The following PI4KA variants were observed in gnomAD, a reference collection of about 807,000 sequenced individuals.
PI4KA encodes PI4-kinase alpha.
In PI4KA, 122 loss-of-function variants were observed where a neutral mutation model predicts 271.4. The ratio of observed to expected loss-of-function variants is 0.45; its 90% CI spans 0.39 to 0.52. The LOEUF is 0.52. Among genes scored for constraint, PI4KA ranks in the 20% least tolerant of loss-of-function variants. The probability of loss-of-function intolerance (pLI) is 0.00; values close to 1 mark genes in which losing one functional copy is unlikely to be tolerated. For missense variants in PI4KA, 1,969 were observed against 2,769.1 expected, an observed-to-expected ratio of 0.71 and a Z score of 6.48; for synonymous variants, 1,041 against 1,078.8, an observed-to-expected ratio of 0.96 and a Z score of 0.69.
At chr22:20,780,063 G>A in intron 19 of PI4KA, 1 of 1,614,120 alleles carries the variant, frequency 6.2e-7, no homozygotes, top group Non-Finnish European at 8.5e-7. Context: ...GGCCCAGATA[G>A]CTGACTTCTC....
At position 20,858,809 on chromosome 22, in the gene PI4KA, T is replaced by A. The variant is rs765515847; in HGVS notation, c.-84A>T. On this transcript the variant is annotated 5_prime_UTR_variant, in exon 1 of 55. The change abolishes an upstream ATG in the 5' untranslated region. Coordinates refer to ENST00000255882, the MANE Select transcript of PI4KA (RefSeq NM_058004.4). Reference sequence around the variant, plus strand: ...ACCTCAGGGCGCAGGCGTAGGTGCATCCGGCTTTCCCGCCACGTGACCTCT... The same window carrying A: ...ACCTCAGGGCGCAGGCGTAGGTGCAACCGGCTTTCCCGCCACGTGACCTCT... 68 of 1,357,770 alleles carry A rather than the reference T, an allele frequency of 5.0e-5. No homozygotes were observed. The highest frequency in any genetic ancestry group is 6.3e-5 in the Non-Finnish European group (66 of 1,055,250). The allele number at this position is 1,357,770 out of a possible 1,614,324, so 84.1% of individuals were successfully genotyped here. A position where few individuals can be genotyped will look rare whatever the true frequency, so the allele number is the denominator to read the frequency against.
intron 3 of PI4KA, among the ~76,000 whole-genome samples, chr22:20,831,384 T>C (rs555854432): frequency 6.6e-6 from 1 of 152,130 alleles, no homozygotes; most frequent in East Asian, 1.9e-4. Context: ...CTAGTCAACA[T>C]GGCAAAACCC....
chr22:20,796,833 C>A (rs951741511), intron 17 of PI4KA, among the ~76,000 whole-genome samples: 3 of 152,238 alleles, frequency 2.0e-5, no homozygotes, highest in Non-Finnish European at 4.4e-5. Flanking sequence ...GTTCCAGGGT[C>A]CTGCCTCAGG....
intron 2 of PI4KA, among the ~76,000 whole-genome samples, chr22:20,837,415 T>C (rs1925003402): frequency 6.6e-6 from 1 of 152,170 alleles, no homozygotes; most frequent in African/African-American, 2.4e-5. Flanking sequence ...AAAATGTAGC[T>C]TATGTATCTA....
Position 20,780,087 on chromosome 22 carries a change from A to G in PI4KA, c.2328+13106T>C, listed in dbSNP as rs1285895728. On this transcript the variant is annotated intron_variant, in intron 19 of 54. Transcript: ENST00000255882. ...AGCTGACTTCTCAGACCCTGCCTTCATATCAAAAACCAACAACCACATCAT... is the reference window on the plus strand; with the variant it reads ...AGCTGACTTCTCAGACCCTGCCTTCGTATCAAAAACCAACAACCACATCAT... 1.9e-6 allele frequency: 3 copies of G among 1,614,068 alleles called. No homozygotes were observed. The highest frequency in any genetic ancestry group is 1.7e-6 in the Non-Finnish European group (2 of 1,180,040).
intron 39 of PI4KA, 23 bp from the exon 40 acceptor site, chr22:20,727,887 G>T: frequency 6.3e-7 from 1 of 1,592,344 alleles, no homozygotes; most frequent in Non-Finnish European, 8.6e-7. Flanking sequence ...GAGGGTATGG[G>T]TGGTGCTGCC....
chr22:20,751,618 C>CG (rs1046182193), intron 26 of PI4KA, 56 bp downstream of exon 26: 2 of 1,406,134 alleles, frequency 1.4e-6, no homozygotes, highest in East Asian at 4.6e-5. Context: ...ACAGGGCCGG[C>CG]GGGGTGGTGG....
At chr22:20,786,103 T>C in intron 19 of PI4KA, 1 of 1,614,050 alleles carries the variant, frequency 6.2e-7, no homozygotes, top group Non-Finnish European at 8.5e-7. Context: ...TTGACAAAAA[T>C]GGCAACATGG....
chr22:20,836,718 G>A (rs1924912005), intron 2 of PI4KA, among the ~76,000 whole-genome samples: 1 of 152,196 alleles, frequency 6.6e-6, no homozygotes, highest in Admixed American at 6.5e-5. Flanking sequence ...GGCAAAGCAT[G>A]CTAGGCTTCT....
At chr22:20,809,651 T>A (rs1029993873) in intron 9 of PI4KA, among the ~76,000 whole-genome samples, 1 of 152,048 alleles carries the variant, frequency 6.6e-6, no homozygotes, top group Non-Finnish European at 1.5e-5. Context: ...CAAACACTTA[T>A]GATGGAAAAC....
intron 19 of PI4KA, among the ~76,000 whole-genome samples, chr22:20,792,960 T>C (rs998937656): frequency 8.6e-5 from 13 of 152,006 alleles, no homozygotes; most frequent in Admixed American, 2.6e-4. Flanking sequence ...CCCTTGTCAA[T>C]TGGTTGAGGG....
In PI4KA at chr22:20,805,866, C is replaced by T. The variant is rs533563161; in HGVS notation, c.1169-701G>A. ...AAAAAAAAAGAAAGAAAAAGGTTGT[C>T]AGATAAGGGCAAAAACTGGTTGCAG... On this transcript the variant is annotated intron_variant, in intron 10 of 54. Transcript: ENST00000255882. Among the ~76,000 whole-genome samples the T allele has an allele frequency of 1.7e-3, 253 of 151,410 alleles. 2 individuals are homozygous for T. Among genetic ancestry groups the T allele is most frequent in the African/African-American group, 5.9e-3 (244 of 41,226 alleles).
At chr22:20,822,072 C>A (rs538649624) in intron 4 of PI4KA, among the ~76,000 whole-genome samples, 2 of 152,160 alleles carry the variant, frequency 1.3e-5, no homozygotes, top group Admixed American at 6.5e-5. Context: ...CCCAGGAGGC[C>A]GAGGATATAG....
chr22:20,811,309 T>C (rs1920987405), intron 8 of PI4KA, among the ~76,000 whole-genome samples: 1 of 152,180 alleles, frequency 6.6e-6, no homozygotes, highest in Admixed American at 6.5e-5. Context: ...AGATTTCTGT[T>C]TCCAGGATGT....
intron 19 of PI4KA, among the ~76,000 whole-genome samples, chr22:20,788,290 G>A (rs1251432350): frequency 6.6e-6 from 1 of 152,166 alleles, no homozygotes; most frequent in African/African-American, 2.4e-5. Flanking sequence ...GGACTCCAGG[G>A]ACCACACAAG....
intron 14 of PI4KA, among the ~76,000 whole-genome samples, 178 bp from the exon 15 acceptor site, chr22:20,799,944 C>T (rs558547696): frequency 6.6e-6 from 1 of 152,326 alleles, no homozygotes; most frequent in East Asian, 1.9e-4. Flanking sequence ...ATTTTGCCCA[C>T]TTGATAAATG....
intron 36 of PI4KA, among the ~76,000 whole-genome samples, chr22:20,730,332 T>C (rs1927869218): frequency 6.6e-6 from 1 of 152,214 alleles, no homozygotes; most frequent in Admixed American, 6.5e-5. Flanking sequence ...TGGAGTGCAA[T>C]GACGTGATCT....
chr22:20,835,369 A>G (rs953245546), intron 2 of PI4KA, among the ~76,000 whole-genome samples: 2 of 152,190 alleles, frequency 1.3e-5, no homozygotes, highest in African/African-American at 4.8e-5. Flanking sequence ...AGTGTGCTCT[A>G]GAGAAGAGGA....
intron 14 of PI4KA, among the ~76,000 whole-genome samples, chr22:20,800,751 G>A (rs1216268363): frequency 2.7e-5 from 4 of 149,604 alleles, no homozygotes; most frequent in African/African-American, 7.4e-5. Flanking sequence ...GCGGGCACCT[G>A]TAGTCCCAGC....
Sources: allele counts gnomAD v4.1 joint callset (sites outside exome capture counted in the v4.1 genomes callset), GRCh38; gene constraint gnomAD v4.1.1; transcripts MANE v1.5; gene names NCBI Gene and HGNC (gene_info 2026-07-23, HGNC 2026-07-21).